EBF1: variants seen among roughly 807,000 people sequenced by gnomAD.
The protein encoded by EBF1 is EBF transcription factor 1, also known as transcription factor COE1.
EBF1 carries 10 observed loss-of-function variants against 68.4 expected under a neutral mutation model. The observed-to-expected ratio is 0.15, with a 90% confidence interval of 0.09 to 0.25. The LOEUF (loss-of-function observed/expected upper bound fraction) is 0.25, where lower values mean the gene tolerates loss of function less well. Ranked by LOEUF, EBF1 falls within the 10% of genes least tolerant of loss-of-function variation. EBF1 has a pLI of 1.00. For missense variants in EBF1, 509 were observed against 794.4 expected (o/e 0.64, Z 4.32); for synonymous variants, 298 against 299.8 (o/e 0.99, Z 0.06).
At chr5:158,770,792 A>T (rs372815403) in intron 10 of EBF1, among the ~76,000 whole-genome samples, 2 of 152,142 alleles carry the variant, frequency 1.3e-5, no homozygotes, top group African/African-American at 2.4e-5. Context: ...CTGTAGAGAA[A>T]TATCTCTAAC....
intron 6 of EBF1, among the ~76,000 whole-genome samples, chr5:158,993,333 C>T (rs1485090047): frequency 6.6e-6 from 1 of 152,166 alleles, no homozygotes; most frequent in African/African-American, 2.4e-5. Context: ...CAGGCATGAG[C>T]CACCATGCCT....
At chr5:158,743,240 G>A (rs192885374) in intron 10 of EBF1, among the ~76,000 whole-genome samples, 15 of 152,306 alleles carry the variant, frequency 9.8e-5, no homozygotes, top group Admixed American at 7.8e-4. Flanking sequence ...AGTTGGGTAT[G>A]GAAAGATAAA....
At chr5:159,026,998 C>T (rs1767828641) in intron 6 of EBF1, among the ~76,000 whole-genome samples, 1 of 152,124 alleles carries the variant, frequency 6.6e-6, no homozygotes. Context: ...TTCCATTAGC[C>T]CCACCCAGTT....
intron 6 of EBF1, among the ~76,000 whole-genome samples, chr5:159,005,116 T>C (rs1434201713): frequency 6.6e-6 from 1 of 152,190 alleles, no homozygotes; most frequent in Non-Finnish European, 1.5e-5. Flanking sequence ...GGGCTAGACC[T>C]TGACATTCAT....
chr5:159,091,987 ACT>A (rs552332760), intron 4 of EBF1, among the ~76,000 whole-genome samples: 7 of 152,244 alleles, frequency 4.6e-5, no homozygotes, highest in Non-Finnish European at 8.8e-5. Context: ...ATAAAATATC[ACT>A]CTTTTAAAGC....
intron 7 of EBF1, among the ~76,000 whole-genome samples, chr5:158,828,272 G>T (rs984829754): frequency 1.3e-5 from 2 of 152,182 alleles, no homozygotes; most frequent in Admixed American, 1.3e-4. Flanking sequence ...CATGTTAAGG[G>T]CTGAATTGTT....
intron 6 of EBF1, among the ~76,000 whole-genome samples, chr5:159,067,528 G>A (rs146227900): frequency 7.9e-5 from 12 of 152,278 alleles, no homozygotes; most frequent in African/African-American, 9.6e-5. Flanking sequence ...CATTGTCAGC[G>A]TATTCGAAAT....
chr5:159,070,254 T>A (rs1272043731), intron 6 of EBF1, among the ~76,000 whole-genome samples: 1 of 152,182 alleles, frequency 6.6e-6, no homozygotes, highest in African/African-American at 2.4e-5. Flanking sequence ...GGCATTCAAC[T>A]CCAGATGTGC....
rs1380154170 is a variant in EBF1, at chr5:158,838,370, C to T, written c.636+1659G>A. On this transcript the variant is annotated intron_variant, in intron 7 of 15. Coordinates refer to ENST00000313708, the MANE Select transcript of EBF1 (RefSeq NM_024007.5). The stretch of plus-strand genomic sequence containing the variant: ...CTGAGGCAGGAGAATGGCATGAACC[C>T]GGGAGGCAGAGCTTGCAGTGAGCCA... 2.1e-5 allele frequency among the ~76,000 whole-genome samples: 3 copies of T among 141,692 alleles called. No homozygotes were observed. In the Admixed American group the frequency reaches 2.2e-4, roughly 11 times the overall value. The allele number at this position is 141,692 out of a possible 152,430, so 93.0% of individuals were successfully genotyped here.
At chr5:158,735,481 T>C (rs1258305251) in intron 10 of EBF1, among the ~76,000 whole-genome samples, 1 of 152,180 alleles carries the variant, frequency 6.6e-6, no homozygotes, top group Non-Finnish European at 1.5e-5. Context: ...GGGGTACATC[T>C]GAAACGTTCC....
chr5:159,028,551 G>A (rs1327881135), intron 6 of EBF1, among the ~76,000 whole-genome samples: 2 of 152,286 alleles, frequency 1.3e-5, no homozygotes, highest in East Asian at 1.9e-4. Context: ...ACGGGTGGGG[G>A]TGAAGGAGTC....
At chr5:158,964,963 T>C (rs576333280) in intron 6 of EBF1, among the ~76,000 whole-genome samples, 1 of 152,324 alleles carries the variant, frequency 6.6e-6, no homozygotes, top group East Asian at 1.9e-4. Context: ...TAAACAGAGA[T>C]AGCTTAACAT....
chr5:159,097,165 C>G, intron 1 of EBF1, 35 bp from the exon 2 acceptor site: 1 of 1,599,376 alleles, frequency 6.3e-7, no homozygotes, highest in Non-Finnish European at 8.5e-7. Flanking sequence ...ATGGCTAAAC[C>G]GGACGCCGAC....
At chr5:159,087,184 T>C (rs1425542977) in intron 4 of EBF1, among the ~76,000 whole-genome samples, 1 of 151,340 alleles carries the variant, frequency 6.6e-6, no homozygotes, top group Non-Finnish European at 1.5e-5. Flanking sequence ...AAAAATAATA[T>C]ATTTGTCATG....
chr5:158,950,158 A>G (rs1325832514), intron 6 of EBF1, among the ~76,000 whole-genome samples: 1 of 152,202 alleles, frequency 6.6e-6, no homozygotes, highest in Non-Finnish European at 1.5e-5. Flanking sequence ...AAAGGTCTCC[A>G]ATTAACACTG....
intron 6 of EBF1, among the ~76,000 whole-genome samples, chr5:158,944,936 A>T (rs1222656830): frequency 6.6e-6 from 1 of 151,964 alleles, no homozygotes; most frequent in Admixed American, 6.5e-5. Flanking sequence ...TTCTCTTGTA[A>T]ATTTGTTTAA....
intron 8 of EBF1, among the ~76,000 whole-genome samples, chr5:158,798,609 C>A (rs548626066): frequency 6.6e-6 from 1 of 152,168 alleles, no homozygotes; most frequent in East Asian, 1.9e-4. Context: ...ACTTGTTATA[C>A]GTAGGATACA....
intron 6 of EBF1, among the ~76,000 whole-genome samples, chr5:158,932,707 A>G (rs1196158820): frequency 1.3e-5 from 2 of 152,230 alleles, no homozygotes; most frequent in Admixed American, 1.3e-4. Context: ...TATGAACTTC[A>G]TAACTATTTA....
At chr5:158,891,958 C>A (rs1801265699) in intron 6 of EBF1, among the ~76,000 whole-genome samples, 1 of 151,688 alleles carries the variant, frequency 6.6e-6, no homozygotes. Flanking sequence ...CTAAGAGCTC[C>A]CCTTGTTCTA....
Sources: allele counts gnomAD v4.1 joint callset (sites outside exome capture counted in the v4.1 genomes callset), GRCh38; gene constraint gnomAD v4.1.1; transcripts MANE v1.5; gene names NCBI Gene and HGNC (gene_info 2026-07-23, HGNC 2026-07-21).